Variants in CSMD3 observed in about 807,000 individuals in gnomAD.
The protein encoded by CSMD3 is CUB and sushi domain-containing protein 3.
CSMD3 carries 177 observed loss-of-function variants against 435.2 expected under a neutral mutation model. That is an observed-to-expected ratio of 0.41 (90% confidence interval 0.36 to 0.46). The LOEUF (loss-of-function observed/expected upper bound fraction) is 0.46, where lower values mean the gene tolerates loss of function less well. Among genes scored for constraint, CSMD3 ranks in the 20% least tolerant of loss-of-function variants. CSMD3 has a pLI of 0.34. For synonymous variants in CSMD3, 1,656 were observed against 1,520.5 expected (o/e 1.09, Z -2.07); for missense variants, 4,265 against 4,504.6 (o/e 0.95, Z 1.52).
intron 38 of CSMD3, among the ~76,000 whole-genome samples, chr8:112,375,449 A>T (rs938136790): frequency 6.6e-6 from 1 of 152,050 alleles, no homozygotes; most frequent in Non-Finnish European, 1.5e-5. Context: ...AAATTGTGAG[A>T]TTTAATGTGA....
chr8:113,272,184 C>A (rs1588418913), intron 3 of CSMD3, among the ~76,000 whole-genome samples: 1 of 152,036 alleles, frequency 6.6e-6, no homozygotes, highest in Non-Finnish European at 1.5e-5. Flanking sequence ...CTGTGGACTT[C>A]TGGGTTAATG....
chr8:112,383,051 A>C (rs577436948), intron 37 of CSMD3, among the ~76,000 whole-genome samples: 6 of 152,270 alleles, frequency 3.9e-5, no homozygotes, highest in Non-Finnish European at 1.5e-5. Context: ...TCTTACATAA[A>C]AATATAAGAC....
intron 9 of CSMD3, among the ~76,000 whole-genome samples, chr8:112,945,583 G>A (rs981098819): frequency 8.6e-6 from 1 of 116,794 alleles, no homozygotes; most frequent in African/African-American, 3.3e-5. Context: ...AGAGAATACA[G>A]AAATATGTGT....
rs376217663 is a variant in CSMD3 at position 113,283,290 on chromosome 8, A to G, written c.402-4586T>C. ...AGCAAAAGGAACATTCACCAGAGTA[A>G]GCAGACAACCCACAGAGTGTGAGAA... On this transcript the variant is annotated intron_variant, in intron 2 of 70. Coordinates refer to ENST00000297405, the MANE Select transcript of CSMD3 (RefSeq NM_198123.2). Among the ~76,000 whole-genome samples the G allele has an allele frequency of 1.1e-4, 16 of 152,266 alleles. 1 individual carries two copies. The East Asian group carries it at 2.5e-3, about 24-fold the overall frequency.
At chr8:112,627,849 A>G (rs565743912) in intron 22 of CSMD3, among the ~76,000 whole-genome samples, 31 of 152,318 alleles carry the variant, frequency 2.0e-4, no homozygotes, top group Admixed American at 7.2e-4. Context: ...AGCACCTGTT[A>G]CTTGCCAAAG....
intron 4 of CSMD3, among the ~76,000 whole-genome samples, chr8:113,148,633 G>C (rs1048526984): frequency 6.6e-6 from 1 of 151,560 alleles, no homozygotes; most frequent in Non-Finnish European, 1.5e-5. Flanking sequence ...AAAACACTAA[G>C]CCCACCCTGA....
At position 113,333,292 on chromosome 8, in the gene CSMD3, C is replaced by T. The variant is rs185593865; in HGVS notation, c.179-18499G>A. Among the ~76,000 whole-genome samples the T allele has an allele frequency of 3.0e-3, 458 of 151,730 alleles. 2 individuals carry two copies. The highest frequency in any genetic ancestry group is 9.3e-3 in the African/African-American group (386 of 41,496). ...AAAAGTTTTTAATATTGATGAATTT[C>T]ATGTCATCACTTTGTCCTGTTATGG... is the stretch of plus-strand genomic sequence containing the variant. On this transcript the variant is annotated intron_variant, in intron 1 of 70. Transcript: ENST00000297405.
At chr8:112,920,571 T>C (rs62514561) in intron 10 of CSMD3, among the ~76,000 whole-genome samples, 39,824 of 151,636 alleles carry the variant, frequency 0.26, 5,473 homozygotes, top group East Asian at 0.41. Context: ...GATATGGTTC[T>C]TGCAAACCTT....
intron 3 of CSMD3, among the ~76,000 whole-genome samples, chr8:113,196,760 C>T (rs750985305): frequency 1.1e-4 from 16 of 151,100 alleles, no homozygotes; most frequent in African/African-American, 3.6e-4. Context: ...TTTATCATGG[C>T]GTTTTATTTC....
chr8:113,302,300 A>ATAT (rs60242726), intron 2 of CSMD3, among the ~76,000 whole-genome samples: 125,517 of 135,734 alleles, frequency 0.92, 58,171 homozygotes, highest in South Asian at 0.98. Context: ...ATATAATATA[A>ATAT]TATATATATT....
chr8:112,469,160 C>CAAAAAAA (rs71309771), intron 32 of CSMD3, among the ~76,000 whole-genome samples: 3 of 91,636 alleles, frequency 3.3e-5, no homozygotes, highest in African/African-American at 8.6e-5. Context: ...CTACACCAGG[C>CAAAAAAA]AAAAAAAAAA....
chr8:113,019,377 A>G (rs2086595833), intron 5 of CSMD3, among the ~76,000 whole-genome samples, 198 bp from the exon 6 acceptor site: 1 of 152,116 alleles, frequency 6.6e-6, no homozygotes, highest in Non-Finnish European at 1.5e-5. Context: ...ATGCTGTTCC[A>G]ATCAGGTTGT....
At chr8:112,700,218 C>T (rs2076358796) in intron 13 of CSMD3, among the ~76,000 whole-genome samples, 1 of 152,076 alleles carries the variant, frequency 6.6e-6, no homozygotes. Context: ...AAGGTAGAGT[C>T]AGCTGGGCAT....
At chr8:113,097,570 G>C (rs1318544879) in intron 5 of CSMD3, among the ~76,000 whole-genome samples, 2 of 151,680 alleles carry the variant, frequency 1.3e-5, no homozygotes, top group African/African-American at 4.8e-5. Flanking sequence ...TTATATTGTT[G>C]CCTATTGGTT....
chr8:112,440,907 G>T (rs908041049), intron 32 of CSMD3, among the ~76,000 whole-genome samples: 6 of 152,186 alleles, frequency 3.9e-5, no homozygotes, highest in Non-Finnish European at 7.3e-5. Context: ...ATCCAGGCCT[G>T]TGATGGGAGA....
At chr8:113,031,947 T>C (rs2087128262) in intron 5 of CSMD3, among the ~76,000 whole-genome samples, 1 of 151,550 alleles carries the variant, frequency 6.6e-6, no homozygotes, top group African/African-American at 2.4e-5. Context: ...GTTTTAAAAC[T>C]GGTAGGTTCT....
At chr8:112,970,994 GACAGGCGTGGGCC>G (rs1329808548) in intron 7 of CSMD3, among the ~76,000 whole-genome samples, 2 of 151,964 alleles carry the variant, frequency 1.3e-5, no homozygotes, top group African/African-American at 4.8e-5. Context: ...GTGCTGGGAT[GACAGGCGTGGGCC>G]ACCACGCCTG....
chr8:113,320,845 G>A (rs746597036), intron 1 of CSMD3, among the ~76,000 whole-genome samples: 23 of 151,922 alleles, frequency 1.5e-4, no homozygotes, highest in Non-Finnish European at 2.9e-4. Flanking sequence ...AGCAATACTG[G>A]TGACCATAAA....
Position 112,960,173 on chromosome 8 carries a change from C to G in CSMD3, c.1343-5412G>C, listed in dbSNP as rs116690851. On this transcript the variant is annotated intron_variant, in intron 7 of 70. Coordinates refer to ENST00000297405, the MANE Select transcript of CSMD3 (RefSeq NM_198123.2). ...GCTCTATGTTAGAAGTCAGCAAGTA[C>G]AAAAATTTAACTTTTTTTTTTTTCT... Among the ~76,000 whole-genome samples, 1,005 of 150,496 alleles carry G rather than the reference C, an allele frequency of 6.7e-3. 12 individuals are homozygous for G. The highest frequency in any genetic ancestry group is 0.023 in the African/African-American group (963 of 41,162).
Sources: gnomAD v4.1 joint callset for allele counts (sites outside exome capture counted in the v4.1 genomes callset) on GRCh38, gnomAD v4.1.1 for gene constraint, MANE v1.5 for transcripts, NCBI Gene and HGNC (gene_info 2026-07-23, HGNC 2026-07-21) for gene names.